SCAF11: variants seen among roughly 807,000 people sequenced by gnomAD.
The protein encoded by SCAF11 is protein SCAF11.
Under a neutral mutation model 140.5 loss-of-function variants are expected in SCAF11, and 47 were observed. That is an observed-to-expected ratio of 0.33 (90% CI 0.26 to 0.43). The LOEUF (loss-of-function observed/expected upper bound fraction) is 0.43. SCAF11 is among the 20% of genes least tolerant of loss of function. The probability of loss-of-function intolerance (pLI) is 1.00; values close to 1 mark genes in which losing one functional copy is unlikely to be tolerated. For missense variants in SCAF11, 1,645 were observed against 1,705.1 expected (o/e 0.96, Z 0.62); for synonymous variants, 557 against 579.4 (o/e 0.96, Z 0.55).
rs769251406 is a variant in SCAF11, at chr12:45,951,643, G to T, written c.297+7C>A. 1.9e-6 allele frequency: 3 copies of T among 1,544,348 alleles called. No homozygotes were observed. Among genetic ancestry groups the T allele is most frequent in the African/African-American group, 2.7e-5 (2 of 73,132 alleles). ...TATAATTCATGTTGCAGAATAAAAA[G>T]ACTTACCTTAACATAACCTTCCAAT... On this transcript the variant is annotated splice_region_variant and intron_variant, in intron 4 of 14. Transcript: ENST00000369367.
At position 45,928,416 on chromosome 12, in the gene SCAF11, T is replaced by C; in HGVS notation, c.1285A>G (p.Ser429Gly). The C allele has an allele frequency of 6.2e-7, 1 of 1,612,892 alleles. No individual in the cohort carries two copies. Among genetic ancestry groups the C allele is most frequent in the Middle Eastern group, 1.7e-4 (1 of 6,058 alleles). Residue 429 changes from serine to glycine, a missense_variant, in exon 11 of 15, where the codon AGT becomes GGT. This residue lies in a region of SCAF11 where 1,582 missense variants were observed against 1,609.2 expected (regional missense o/e 0.98). Coordinates refer to ENST00000369367, the MANE Select transcript of SCAF11 (RefSeq NM_004719.3). ...GTCTGCACAGTACAAATGTTACTAC[T>C]GTCTACATCTGGTTGGTGCTCTTTT... ...LEKEHQPDVD[S>G]SNICTVQTHV...
In SCAF11 at chr12:45,964,097, GAA is replaced by G. The variant is rs1565683750; in HGVS notation, c.61+8_61+9del. ...TTCAACAAACAAACTTTATAAAAAT[GAA>G]AAGTTACCTTCCATGTCTTCATACT... On this transcript the variant is annotated splice_region_variant and intron_variant, in intron 2 of 14. Coordinates refer to ENST00000369367, the MANE Select transcript of SCAF11 (RefSeq NM_004719.3). 4 of 1,406,124 alleles carry G rather than the reference GAA, an allele frequency of 2.8e-6. No homozygotes were observed. The highest frequency in any genetic ancestry group is 4.0e-6 in the Non-Finnish European group (4 of 1,002,462). 87.1% of individuals were successfully genotyped at this position (1,406,124 alleles called of 1,614,324 possible). A position where few individuals can be genotyped will look rare whatever the true frequency, so the allele number is the denominator to read the frequency against.
chr12:45,941,060 C>T (rs947888306), intron 6 of SCAF11, among the ~76,000 whole-genome samples: 5 of 152,070 alleles, frequency 3.3e-5, no homozygotes, highest in African/African-American at 9.7e-5. Context: ...TGCCTGAACT[C>T]AAGAGTGAGA....
Position 45,926,771 on chromosome 12 carries a change from C to T in SCAF11, c.2930G>A (p.Cys977Tyr). 1.2e-6 allele frequency: 2 copies of T among 1,614,096 alleles called. No individual in the cohort carries two copies. Among genetic ancestry groups the T allele is most frequent in the East Asian group, 2.2e-5 (1 of 44,878 alleles). Residue 977 changes from cysteine (C) to tyrosine (Y), a missense_variant, in exon 11 of 15, where the codon TGT becomes TAT. Physicochemically the swap from Cys to Tyr is radical, Grantham distance 194 (BLOSUM62 -2). Coordinates refer to ENST00000369367, the MANE Select transcript of SCAF11 (RefSeq NM_004719.3). Reference sequence around the variant, plus strand: ...TCTGTACCGATCATTTCCTCGTGGACATCTCCAACCATCATTTGCCCATCT... The same window carrying T: ...TCTGTACCGATCATTTCCTCGTGGATATCTCCAACCATCATTTGCCCATCT... The part of the protein sequence containing the change: ...KGRWANDGWR[C>Y]PRGNDRYRKN...
chr12:45,967,983 T>C (rs865985328), intron 1 of SCAF11, among the ~76,000 whole-genome samples: 3 of 152,202 alleles, frequency 2.0e-5, no homozygotes, highest in African/African-American at 4.8e-5. Context: ...CACAGAGTCA[T>C]AGTCCTAGCC....
intron 4 of SCAF11, among the ~76,000 whole-genome samples, 194 bp downstream of exon 4, chr12:45,951,456 G>A (rs1266095026): frequency 6.6e-6 from 1 of 152,086 alleles, no homozygotes; most frequent in Non-Finnish European, 1.5e-5. Context: ...GCCCTCTTTA[G>A]GGGGCAAATG....
At chr12:45,977,837 A>G (rs1045470643) in intron 1 of SCAF11, among the ~76,000 whole-genome samples, 2 of 152,130 alleles carry the variant, frequency 1.3e-5, no homozygotes, top group Non-Finnish European at 2.9e-5. Flanking sequence ...GAGACAACAG[A>G]TATCTATAAC....
intron 1 of SCAF11, among the ~76,000 whole-genome samples, chr12:45,982,572 G>A (rs1330058476): frequency 6.6e-6 from 1 of 152,086 alleles, no homozygotes; most frequent in Non-Finnish European, 1.5e-5. Flanking sequence ...GGGTGTAGTG[G>A]TACACGCCTG....
intron 10 of SCAF11, chr12:45,929,486 G>A (rs1248965155): frequency 6.6e-6 from 1 of 152,076 alleles, no homozygotes; most frequent in Non-Finnish European, 1.5e-5. Context: ...AGCAAAAGGA[G>A]AGAGAAAATG....
At chr12:45,974,073 A>C in intron 1 of SCAF11, 1 of 403,964 alleles carries the variant, frequency 2.5e-6, no homozygotes, top group Non-Finnish European at 5.2e-6. Flanking sequence ...ATATTGCAAT[A>C]AAGCAAGTCA....
chr12:45,923,768 C>T lies in SCAF11; in HGVS notation c.3907-614G>A, dbSNP rs147717714. Among the ~76,000 whole-genome samples, 298 of 152,158 alleles carry T rather than the reference C, an allele frequency of 2.0e-3. 1 individual carries two copies. The highest frequency in any genetic ancestry group is 0.016 in the East Asian group (85 of 5,186). On this transcript the variant is annotated intron_variant, in intron 12 of 14. Transcript: ENST00000369367. ...CGCGATCTTGGCTCACTGCAATCTC[C>T]GACTACCAGGTTCAAGTGATTCTTG...
intron 3 of SCAF11, among the ~76,000 whole-genome samples, chr12:45,960,159 T>C (rs1225394308): frequency 6.6e-6 from 1 of 152,172 alleles, no homozygotes; most frequent in African/African-American, 2.4e-5. Context: ...TCTAGATACA[T>C]ACCCTAGAGA....
intron 1 of SCAF11, among the ~76,000 whole-genome samples, chr12:45,982,656 G>T (rs910652673): frequency 1.3e-5 from 2 of 152,220 alleles, no homozygotes; most frequent in African/African-American, 2.4e-5. Flanking sequence ...AGTGAACCGA[G>T]ATTGTACCAC....
chr12:45,960,265 CATT>C (rs537159756), intron 3 of SCAF11, among the ~76,000 whole-genome samples: 33 of 152,200 alleles, frequency 2.2e-4, no homozygotes, highest in African/African-American at 7.9e-4. Context: ...ATTACATACA[CATT>C]ATAATTTTCT....
At chr12:45,931,806 A>G (rs1301759200) in intron 9 of SCAF11, among the ~76,000 whole-genome samples, 194 bp from the exon 10 acceptor site, 1 of 152,174 alleles carries the variant, frequency 6.6e-6, no homozygotes, top group Non-Finnish European at 1.5e-5. Flanking sequence ...TAAAATTCAG[A>G]AAAAAACCTT....
At chr12:45,954,569 C>CTT (rs36060348) in intron 3 of SCAF11, among the ~76,000 whole-genome samples, 3 of 129,152 alleles carry the variant, frequency 2.3e-5, no homozygotes, top group East Asian at 2.3e-4. Context: ...TAAGCTGTTA[C>CTT]TTTTTTTTTT....
Position 45,923,096 on chromosome 12 carries a change from G to A in SCAF11, c.3965C>T (p.Pro1322Leu), listed in dbSNP as rs991167597. ...TCCCGTATTTCCTGGGGCTGCTGTC[G>A]GAGCAGGCAAAACTGGTGTACTCAT... is the stretch of plus-strand genomic sequence containing the variant. ...NNMSTPVLPA[P>L]TAAPGNTGMV... The change falls in exon 13 of 15, where the codon CCG becomes CTG. Residue 1322 changes from proline to leucine, a missense_variant. Pro to Leu is a moderately conservative substitution (Grantham distance 98). This residue lies in a region of SCAF11 where 1,582 missense variants were observed against 1,609.2 expected (regional missense o/e 0.98). Transcript: ENST00000369367. 1.7e-5 allele frequency: 28 copies of A among 1,613,972 alleles called. No individual in the cohort carries two copies. The highest frequency in any genetic ancestry group is 2.2e-5 in the Non-Finnish European group (26 of 1,180,022).
At position 45,927,391 on chromosome 12, in the gene SCAF11, AAC is replaced by A; in HGVS notation, c.2308_2309del (p.Val770PhefsTer5). ...SDLADEKVET[V>X]SQPSESPKDT... ...CTTTTGGGCTTTCAGATGGTTGAGA[AAC>A]AGTTTCAACCTTTTCATCCGCAAGA... On this transcript the variant is annotated frameshift_variant, in exon 11 of 15. Transcript: ENST00000369367. LOFTEE classifies it high-confidence loss of function. 6.2e-7 allele frequency: 1 copy of A among 1,614,058 alleles called. No individual in the cohort carries two copies. The highest frequency in any genetic ancestry group is 8.5e-7 in the Non-Finnish European group (1 of 1,180,006).
chr12:45,933,017 C>T (rs1592173844), intron 9 of SCAF11, 114 bp downstream of exon 9: 2 of 686,084 alleles, frequency 2.9e-6, no homozygotes, highest in South Asian at 2.4e-5. Context: ...TTAATTTGCA[C>T]AAAACTTCCT....
Sources: gnomAD v4.1 joint callset for allele counts (sites outside exome capture counted in the v4.1 genomes callset) on GRCh38, gnomAD v4.1.1 for gene constraint, gnomAD v4.1.1 regional missense constraint, MANE v1.5 for transcripts, NCBI Gene and HGNC (gene_info 2026-07-23, HGNC 2026-07-21) for gene names.